The following GMDS variants were observed in gnomAD, a reference collection of about 807,000 sequenced individuals.
GMDS encodes the protein GDP-mannose 4,6-dehydratase.
GMDS carries 20 observed loss-of-function variants against 49.9 expected under a neutral mutation model. That is an observed-to-expected ratio of 0.40 (90% CI 0.28 to 0.58). The LOEUF (loss-of-function observed/expected upper bound fraction) is 0.58, where lower values mean the gene tolerates loss of function less well. GMDS is among the 20% of genes least tolerant of loss of function. The pLI is 0.42. For missense variants in GMDS, 362 were observed against 481.4 expected, an observed-to-expected ratio of 0.75 and a Z score of 2.32; for synonymous variants, 177 against 178.6, an observed-to-expected ratio of 0.99 and a Z score of 0.07.
intron 1 of GMDS, among the ~76,000 whole-genome samples, chr6:2,189,544 G>T (rs1019319449): frequency 6.6e-6 from 1 of 152,146 alleles, no homozygotes; most frequent in African/African-American, 2.4e-5. Context: ...TGGGGCCCAG[G>T]AATCCTATGA....
intron 1 of GMDS, among the ~76,000 whole-genome samples, chr6:2,170,101 C>G (rs1883871): frequency 0.046 from 7,044 of 151,820 alleles, 272 homozygotes; most frequent in South Asian, 0.13. Context: ...TACTCGGGAG[C>G]CTGAGGCAGG....
chr6:2,063,801 C>A (rs1375757304), intron 4 of GMDS, among the ~76,000 whole-genome samples: 1 of 152,172 alleles, frequency 6.6e-6, no homozygotes, highest in Non-Finnish European at 1.5e-5. Flanking sequence ...ACTTCCATAA[C>A]AAGACAAAAG....
chr6:2,030,306 A>C (rs1328504528), intron 4 of GMDS, among the ~76,000 whole-genome samples: 3 of 152,198 alleles, frequency 2.0e-5, no homozygotes, highest in Non-Finnish European at 4.4e-5. Flanking sequence ...CAAATTTGTG[A>C]TGCTGGAGAG....
chr6:1,923,642 C>T (rs770245067), intron 7 of GMDS, among the ~76,000 whole-genome samples: 8 of 152,358 alleles, frequency 5.3e-5, no homozygotes, highest in African/African-American at 9.6e-5. Flanking sequence ...CGCTCACTCA[C>T]GCGCTCCCTC....
intron 9 of GMDS, among the ~76,000 whole-genome samples, chr6:1,708,383 G>A (rs1765815868): frequency 6.6e-6 from 1 of 152,142 alleles, no homozygotes; most frequent in Non-Finnish European, 1.5e-5. Flanking sequence ...AGGCGGGTAG[G>A]GGGCTTGCAC....
chr6:2,167,933 TTAAATAAGCGAACAAATGGCTGGATGA>T (rs1777751259), intron 1 of GMDS, among the ~76,000 whole-genome samples: 1 of 152,248 alleles, frequency 6.6e-6, no homozygotes, highest in Non-Finnish European at 1.5e-5. Flanking sequence ...TAAGTACTGC[TTAAATAAGCGAACAAATGGCTGGATGA>T]CTAAGGTGCC....
chr6:2,014,204 G>A (rs1277314635), intron 4 of GMDS, among the ~76,000 whole-genome samples: 1 of 147,452 alleles, frequency 6.8e-6, no homozygotes, highest in Non-Finnish European at 1.5e-5. Flanking sequence ...GGCAAGAAAT[G>A]CTGAAAGAAA....
chr6:1,821,067 C>G (rs1018286950), intron 7 of GMDS, among the ~76,000 whole-genome samples: 2 of 152,144 alleles, frequency 1.3e-5, no homozygotes, highest in African/African-American at 4.8e-5. Flanking sequence ...TACATGGACT[C>G]TATATATGGA....
chr6:2,008,894 C>A (rs370872436), intron 4 of GMDS, among the ~76,000 whole-genome samples: 1 of 152,122 alleles, frequency 6.6e-6, no homozygotes, highest in East Asian at 1.9e-4. Context: ...TAAGTTTCAG[C>A]TTTCTCTCTT....
chr6:1,827,731 G>C (rs1468204058), intron 7 of GMDS, among the ~76,000 whole-genome samples: 1 of 152,076 alleles, frequency 6.6e-6, no homozygotes, highest in African/African-American at 2.4e-5. Context: ...ACTCAGAAAA[G>C]ACCTCACAAG....
intron 9 of GMDS, among the ~76,000 whole-genome samples, chr6:1,696,637 T>C (rs776410120): frequency 2.6e-5 from 4 of 152,210 alleles, no homozygotes; most frequent in African/African-American, 4.8e-5. Context: ...GACATTATGA[T>C]GTCCATTTCA....
chr6:2,048,096 G>A (rs12530335), intron 4 of GMDS, among the ~76,000 whole-genome samples: 32,025 of 152,088 alleles, frequency 0.21, 3,742 homozygotes, highest in Non-Finnish European at 0.25. Flanking sequence ...ACATTCTCAC[G>A]TGCTAACAGT....
At chr6:1,945,352 A>G (rs538002360) in intron 6 of GMDS, among the ~76,000 whole-genome samples, 1 of 152,286 alleles carries the variant, frequency 6.6e-6, no homozygotes, top group African/African-American at 2.4e-5. Flanking sequence ...GAGCAGCAGC[A>G]GAGACTGAGC....
chr6:1,741,208 C>T (rs1020177077), intron 8 of GMDS, among the ~76,000 whole-genome samples: 1 of 152,138 alleles, frequency 6.6e-6, no homozygotes, highest in Admixed American at 6.5e-5. Context: ...TTCTCTCTTC[C>T]AGCTATTTTG....
intron 7 of GMDS, among the ~76,000 whole-genome samples, chr6:1,797,495 G>T (rs1769787806): frequency 6.6e-6 from 1 of 152,158 alleles, no homozygotes; most frequent in East Asian, 1.9e-4. Flanking sequence ...GTTTTGATTT[G>T]TACAATGAAA....
rs531618985 is a variant in GMDS at position 1,822,101 on chromosome 6, G to A, written c.772-79515C>T. Among the ~76,000 whole-genome samples the A allele has an allele frequency of 8.5e-5, 13 of 152,238 alleles. No individual in the cohort carries two copies. The East Asian group carries it at 1.2e-3, about 14-fold the overall frequency. Reference sequence around the variant, plus strand: ...GTGTGTAAACTACCAGGAAACAGACGGCTATGACAACTGACTTCTTGTTCA... The same window carrying A: ...GTGTGTAAACTACCAGGAAACAGACAGCTATGACAACTGACTTCTTGTTCA... On this transcript the variant is annotated intron_variant, in intron 7 of 10. Transcript: ENST00000380815.
intron 1 of GMDS, among the ~76,000 whole-genome samples, chr6:2,211,860 A>C (rs1251410566): frequency 8.5e-5 from 13 of 152,226 alleles, no homozygotes; most frequent in Non-Finnish European, 1.8e-4. Context: ...AGGTGAGCCA[A>C]AGTAGGAACT....
At chr6:1,816,135 A>G (rs1397103727) in intron 7 of GMDS, among the ~76,000 whole-genome samples, 1 of 152,148 alleles carries the variant, frequency 6.6e-6, no homozygotes, top group Non-Finnish European at 1.5e-5. Context: ...AGGTGGTGGG[A>G]TAGGGTAGGC....
chr6:1,703,456 G>T (rs922632183), intron 9 of GMDS, among the ~76,000 whole-genome samples: 1 of 151,192 alleles, frequency 6.6e-6, no homozygotes, highest in Non-Finnish European at 1.5e-5. Flanking sequence ...GCTAGTTAGA[G>T]ACTTGCATTC....
Sources: gnomAD v4.1 joint callset for allele counts (sites outside exome capture counted in the v4.1 genomes callset) on GRCh38, gnomAD v4.1.1 for gene constraint, MANE v1.5 for transcripts, NCBI Gene and HGNC (gene_info 2026-07-23, HGNC 2026-07-21) for gene names.